Variants in PHKB observed in about 807,000 individuals in gnomAD.
The protein encoded by PHKB is phosphorylase b kinase regulatory subunit beta.
PHKB carries 122 observed loss-of-function variants against 152.1 expected under a neutral mutation model. The ratio of observed to expected loss-of-function variants is 0.80; its 90% CI spans 0.69 to 0.93. PHKB has a LOEUF of 0.93. Among genes scored for constraint, PHKB ranks in the 40% least tolerant of loss-of-function variants. The pLI is 0.00. For synonymous variants in PHKB, 436 were observed against 464.9 expected, an observed-to-expected ratio of 0.94 and a Z score of 0.80; for missense variants, 1,304 against 1,328.4, an observed-to-expected ratio of 0.98 and a Z score of 0.29.
intron 1 of PHKB, among the ~76,000 whole-genome samples, chr16:47,489,759 G>A (rs530670568): frequency 2.2e-4 from 34 of 152,344 alleles, no homozygotes; most frequent in Non-Finnish European, 4.6e-4. Flanking sequence ...TATTAGCTAT[G>A]CAAGTTGAGC....
chr16:47,488,225 G>A, intron 1 of PHKB, among the ~76,000 whole-genome samples: 1 of 152,142 alleles, frequency 6.6e-6, no homozygotes, highest in East Asian at 1.9e-4. Context: ...CTTGTTGGCT[G>A]CATGTATCTC....
At chr16:47,478,067 A>G (rs780683447) in intron 1 of PHKB, among the ~76,000 whole-genome samples, 5 of 152,216 alleles carry the variant, frequency 3.3e-5, no homozygotes, top group Non-Finnish European at 7.4e-5. Flanking sequence ...AAGAAGTGAT[A>G]TAACATCTAT....
intron 7 of PHKB, among the ~76,000 whole-genome samples, chr16:47,551,705 A>G (rs905448050): frequency 6.6e-6 from 1 of 152,144 alleles, no homozygotes; most frequent in Non-Finnish European, 1.5e-5. Context: ...TTTGGTGGGG[A>G]GAGTTTTGTA....
intron 6 of PHKB, among the ~76,000 whole-genome samples, chr16:47,528,683 T>C (rs974095238): frequency 1.4e-5 from 2 of 142,854 alleles, no homozygotes; most frequent in African/African-American, 5.1e-5. Context: ...TTTCAATAAA[T>C]AAAGGACTTT....
At chr16:47,694,260 A>G (rs1974111348) in intron 28 of PHKB, among the ~76,000 whole-genome samples, 1 of 152,224 alleles carries the variant, frequency 6.6e-6, no homozygotes, top group South Asian at 2.1e-4. Flanking sequence ...CTGGCATCTA[A>G]GTCATTCTAC....
chr16:47,589,720 G>A (rs1414813525), intron 10 of PHKB, among the ~76,000 whole-genome samples: 1 of 152,152 alleles, frequency 6.6e-6, no homozygotes, highest in Non-Finnish European at 1.5e-5. Context: ...CCCCAAAAAA[G>A]TAAGAAGTCA....
At position 47,650,869 on chromosome 16, in the gene PHKB, C is replaced by T; in HGVS notation, c.1919C>T (p.Ala640Val). ...AACCCCATATTAGATATGCTGGCAGCCCTTAAAAAAGGAATAATTGGAGGA... is the reference window on the plus strand; with the variant it reads ...AACCCCATATTAGATATGCTGGCAGTCCTTAAAAAAGGAATAATTGGAGGA... ...RFNPILDMLA[A>V]LKKGIIGGVK... Residue 640 changes from alanine (A) to valine (V), a missense_variant, in exon 20 of 31, where the codon GCC (alanine) becomes GTC (valine). By Grantham distance (64) the Ala-to-Val change is moderately conservative (BLOSUM62 0). Transcript: ENST00000323584. The T allele has an allele frequency of 6.2e-7, 1 of 1,613,694 alleles. No homozygotes were observed. Among genetic ancestry groups the T allele is most frequent in the South Asian group, 1.1e-5 (1 of 91,072 alleles).
chr16:47,646,532 A>AT (rs1258730398), intron 16 of PHKB, among the ~76,000 whole-genome samples: 1 of 139,052 alleles, frequency 7.2e-6, no homozygotes, highest in African/African-American at 2.9e-5. Flanking sequence ...GAGTATAATA[A>AT]AAAAAAAAAA....
intron 26 of PHKB, among the ~76,000 whole-genome samples, chr16:47,670,341 T>C (rs1973616626): frequency 1.3e-5 from 2 of 152,212 alleles, no homozygotes; most frequent in Non-Finnish European, 2.9e-5. Context: ...GAAATAAGTA[T>C]ATGTAGCTTG....
At chr16:47,501,788 A>G (rs1198646067) in intron 3 of PHKB, among the ~76,000 whole-genome samples, 4 of 152,242 alleles carry the variant, frequency 2.6e-5, no homozygotes. Context: ...TAGGCAGCAT[A>G]TGGACAAAAG....
intron 7 of PHKB, among the ~76,000 whole-genome samples, chr16:47,548,598 C>T (rs1223939116): frequency 6.9e-6 from 1 of 144,866 alleles, no homozygotes; most frequent in African/African-American, 2.7e-5. Context: ...CAGAGCAAGA[C>T]TCCGTCTCAA....
At chr16:47,648,694 A>G in intron 17 of PHKB, 78 bp downstream of exon 17, 5 of 875,792 alleles carry the variant, frequency 5.7e-6, no homozygotes, top group Non-Finnish European at 9.8e-6. Context: ...CCTGCTATGC[A>G]TCCTTTTTCA....
At chr16:47,530,855 T>C (rs1252326540) in intron 6 of PHKB, among the ~76,000 whole-genome samples, 5 of 152,226 alleles carry the variant, frequency 3.3e-5, no homozygotes, top group African/African-American at 1.2e-4. Flanking sequence ...TGCTTAATAA[T>C]GTAAAGATAC....
chr16:47,497,932 TTTTG>T (rs1970261054), intron 2 of PHKB, among the ~76,000 whole-genome samples: 1 of 152,118 alleles, frequency 6.6e-6, no homozygotes, highest in Admixed American at 6.5e-5. Context: ...GGCGCTTGTG[TTTTG>T]TTTGTTTTAT....
chr16:47,667,986 G>A (rs957044507), intron 25 of PHKB, among the ~76,000 whole-genome samples: 6 of 152,156 alleles, frequency 3.9e-5, no homozygotes, highest in South Asian at 2.1e-4. Context: ...GGCAAGACTC[G>A]GAGGCCAGTA....
At chr16:47,517,246 T>C (rs2151653084) in intron 6 of PHKB, among the ~76,000 whole-genome samples, 1 of 151,504 alleles carries the variant, frequency 6.6e-6, no homozygotes, top group Non-Finnish European at 1.5e-5. Flanking sequence ...GGCTTTGTTT[T>C]GTTCAGTAAT....
intron 10 of PHKB, among the ~76,000 whole-genome samples, chr16:47,592,606 C>T (rs1009244752): frequency 6.6e-6 from 1 of 152,194 alleles, no homozygotes; most frequent in Non-Finnish European, 1.5e-5. Context: ...TCAGGTGTTC[C>T]ACTCCCTATG....
At chr16:47,556,604 T>A (rs1182544817) in intron 7 of PHKB, among the ~76,000 whole-genome samples, 1 of 152,196 alleles carries the variant, frequency 6.6e-6, no homozygotes. Context: ...CAGCCTTGCA[T>A]CCCAGGGATG....
chr16:47,663,406 AG>A (rs1973477935), intron 23 of PHKB, among the ~76,000 whole-genome samples: 1 of 152,166 alleles, frequency 6.6e-6, no homozygotes, highest in Non-Finnish European at 1.5e-5. Flanking sequence ...ATTTGTTAAA[AG>A]TTTAGATTGC....
Sources: gnomAD v4.1 joint callset for allele counts (sites outside exome capture counted in the v4.1 genomes callset) on GRCh38, gnomAD v4.1.1 for gene constraint, MANE v1.5 for transcripts, NCBI Gene and HGNC (gene_info 2026-07-23, HGNC 2026-07-21) for gene names.